The following GABRG3 variants were observed in gnomAD, a reference collection of about 807,000 sequenced individuals.
GABRG3 encodes gamma-aminobutyric acid receptor subunit gamma-3.
Under a neutral mutation model 48.8 loss-of-function variants are expected in GABRG3, and 25 were observed. The ratio of observed to expected loss-of-function variants is 0.51; its 90% CI spans 0.37 to 0.72. The LOEUF (loss-of-function observed/expected upper bound fraction) is 0.72, where lower values mean the gene tolerates loss of function less well. Ranked by LOEUF, GABRG3 falls within the 30% of genes least tolerant of loss-of-function variation. The pLI is 0.00. For missense variants in GABRG3, 394 were observed against 577.9 expected (o/e 0.68, Z 3.26); for synonymous variants, 227 against 217.6 (o/e 1.04, Z -0.38).
intron 5 of GABRG3, among the ~76,000 whole-genome samples, chr15:27,339,867 C>T (rs1046864145): frequency 6.6e-6 from 1 of 152,178 alleles, no homozygotes; most frequent in African/African-American, 2.4e-5. Context: ...GGCCTTCTCA[C>T]TCCATTTAGG....
chr15:27,450,061 T>C (rs1889062358), intron 5 of GABRG3, among the ~76,000 whole-genome samples: 1 of 152,178 alleles, frequency 6.6e-6, no homozygotes, highest in African/African-American at 2.4e-5. Context: ...GTTCAGTTTA[T>C]AAATGGAGAT....
chr15:27,230,229 CATA>C (rs1889755261), intron 3 of GABRG3, among the ~76,000 whole-genome samples: 1 of 152,150 alleles, frequency 6.6e-6, no homozygotes, highest in Non-Finnish European at 1.5e-5. Context: ...TTCTGAACTT[CATA>C]TAAATCGAAC....
intron 2 of GABRG3, among the ~76,000 whole-genome samples, chr15:26,982,923 G>C (rs1442478175): frequency 6.6e-6 from 1 of 152,150 alleles, no homozygotes; most frequent in Non-Finnish European, 1.5e-5. Context: ...CATGATCCCT[G>C]GGACAAATTA....
chr15:26,988,678 GA>G (rs1490621105), intron 2 of GABRG3, among the ~76,000 whole-genome samples: 2 of 151,888 alleles, frequency 1.3e-5, no homozygotes, highest in East Asian at 3.9e-4. Context: ...TTCAGTTTAT[GA>G]TCTTTTTATT....
At chr15:27,331,646 T>C (rs1247044307) in intron 5 of GABRG3, among the ~76,000 whole-genome samples, 2 of 152,182 alleles carry the variant, frequency 1.3e-5, no homozygotes, top group Admixed American at 1.3e-4. Flanking sequence ...ATGTTGGACA[T>C]ATTTGTCCAA....
At chr15:27,287,853 C>T (rs1891668561) in intron 3 of GABRG3, among the ~76,000 whole-genome samples, 1 of 151,688 alleles carries the variant, frequency 6.6e-6, no homozygotes, top group Non-Finnish European at 1.5e-5. Context: ...ATTCTCCGGC[C>T]TCAGTCTCCC....
intron 3 of GABRG3, among the ~76,000 whole-genome samples, chr15:27,313,262 G>GCA (rs1893075913): frequency 2.9e-5 from 1 of 34,562 alleles, no homozygotes; most frequent in Admixed American, 4.2e-4. Context: ...GTGTGTGTGT[G>GCA]TATATATATA....
intron 3 of GABRG3, among the ~76,000 whole-genome samples, chr15:27,066,696 A>C (rs1896743379): frequency 6.6e-6 from 1 of 151,942 alleles, no homozygotes; most frequent in South Asian, 2.1e-4. Flanking sequence ...ATCAGCATTC[A>C]GGAGGTCATA....
chr15:27,522,962 G>A (rs1167311935), intron 7 of GABRG3, among the ~76,000 whole-genome samples: 1 of 151,778 alleles, frequency 6.6e-6, no homozygotes, highest in African/African-American at 2.4e-5. Context: ...AAGGAATGGA[G>A]GATCTGAACA....
chr15:27,052,177 A>T (rs2140711657), intron 3 of GABRG3, among the ~76,000 whole-genome samples: 1 of 152,292 alleles, frequency 6.6e-6, no homozygotes, highest in East Asian at 1.9e-4. Context: ...CATGTCTGGT[A>T]GAAGGATGGT....
intron 3 of GABRG3, among the ~76,000 whole-genome samples, chr15:27,273,152 G>T (rs1348771765): frequency 6.6e-6 from 1 of 152,098 alleles, no homozygotes; most frequent in African/African-American, 2.4e-5. Flanking sequence ...TGTCCTCTAA[G>T]CCCAAAGTAG....
Position 27,413,376 on chromosome 15 carries a change from A to T in GABRG3, c.575-67274A>T, listed in dbSNP as rs150018781. 2.8e-3 allele frequency among the ~76,000 whole-genome samples: 420 copies of T among 151,798 alleles called. 2 individuals are homozygous for T. The highest frequency in any genetic ancestry group is 4.1e-3 in the Non-Finnish European group (278 of 67,854). ...AATAAGGTCAATTAGAGTAAAACAA[A>T]CTTCACTAGAATTAGAGATATTAGA... On this transcript the variant is annotated intron_variant, in intron 5 of 9. Coordinates refer to ENST00000615808, the MANE Select transcript of GABRG3 (RefSeq NM_033223.5).
chr15:27,232,581 C>T (rs921092598), intron 3 of GABRG3, among the ~76,000 whole-genome samples: 1 of 152,246 alleles, frequency 6.6e-6, no homozygotes, highest in Middle Eastern at 3.4e-3. Context: ...CAGCTGTTCT[C>T]CTGCCAGACC....
At chr15:26,994,397 AAT>A (rs1243302599) in intron 2 of GABRG3, among the ~76,000 whole-genome samples, 1 of 151,858 alleles carries the variant, frequency 6.6e-6, no homozygotes, top group Non-Finnish European at 1.5e-5. Context: ...GAGGCTTGCA[AAT>A]ACTCTATAAC....
At chr15:27,466,201 C>T (rs1411838174) in intron 5 of GABRG3, among the ~76,000 whole-genome samples, 1 of 152,122 alleles carries the variant, frequency 6.6e-6, no homozygotes, top group Non-Finnish European at 1.5e-5. Context: ...GGCTTGTGAC[C>T]CAGCAGCAGA....
intron 3 of GABRG3, among the ~76,000 whole-genome samples, chr15:27,169,027 T>C (rs534835587): frequency 2.6e-5 from 4 of 152,254 alleles, no homozygotes; most frequent in Admixed American, 1.3e-4. Context: ...GAGCACACAA[T>C]AGGCATGTGG....
At chr15:27,007,269 A>G (rs115278396) in intron 2 of GABRG3, among the ~76,000 whole-genome samples, 1,761 of 151,714 alleles carry the variant, frequency 0.012, 38 homozygotes, top group African/African-American at 0.041. Flanking sequence ...TTAGTAGGGA[A>G]GGGGTCTCAC....
intron 3 of GABRG3, among the ~76,000 whole-genome samples, chr15:27,141,670 C>T (rs1268427147): frequency 6.6e-6 from 1 of 152,174 alleles, no homozygotes; most frequent in Middle Eastern, 3.2e-3. Flanking sequence ...AGTTAACAAA[C>T]TTCTTATTTA....
rs1367021653 is a variant in GABRG3 at position 27,216,911 on chromosome 15, A to G, written c.271-109898A>G. ...CATCTAGCATTAGGTATATCTCCCAATGCTATCCCTGCCCCCTCCCCCGAC... is the reference window on the plus strand; with the variant it reads ...CATCTAGCATTAGGTATATCTCCCAGTGCTATCCCTGCCCCCTCCCCCGAC... On this transcript the variant is annotated intron_variant, in intron 3 of 9. Coordinates refer to ENST00000615808, the MANE Select transcript of GABRG3 (RefSeq NM_033223.5). Among the ~76,000 whole-genome samples, 11 of 146,268 alleles carry G rather than the reference A, an allele frequency of 7.5e-5. No homozygotes were observed. In the South Asian group the frequency reaches 1.1e-3, roughly 15 times the overall value.
Sources: gnomAD v4.1 joint callset for allele counts (sites outside exome capture counted in the v4.1 genomes callset) on GRCh38, gnomAD v4.1.1 for gene constraint, MANE v1.5 for transcripts, NCBI Gene and HGNC (gene_info 2026-07-23, HGNC 2026-07-21) for gene names.